EFR3B: variants seen among roughly 807,000 people sequenced by gnomAD.
EFR3B encodes protein EFR3 homolog B.
A neutral mutation model predicts 104.7 loss-of-function variants in EFR3B; 64 were observed. The observed-to-expected ratio is 0.61, with a 90% CI of 0.50 to 0.75. The LOEUF is 0.75. EFR3B is among the 30% of genes least tolerant of loss of function. The pLI, the probability that EFR3B is intolerant of heterozygous loss-of-function variation, is 0.00. For synonymous variants in EFR3B, 385 were observed against 417.9 expected (o/e 0.92, Z 0.96); for missense variants, 750 against 1,078.5 (o/e 0.70, Z 4.27).
intron 1 of EFR3B, among the ~76,000 whole-genome samples, chr2:25,048,006 T>C (rs1034711797): frequency 5.9e-5 from 9 of 152,104 alleles, no homozygotes; most frequent in African/African-American, 1.7e-4. Context: ...ATGTGTTTGT[T>C]TAGACGGTTG....
intron 1 of EFR3B, among the ~76,000 whole-genome samples, chr2:25,086,403 G>A (rs1668952589): frequency 6.6e-6 from 1 of 152,200 alleles, no homozygotes; most frequent in Non-Finnish European, 1.5e-5. Context: ...GGTTCTTGCT[G>A]CTCCACATCC....
chr2:25,150,156 G>C (rs935063085), intron 20 of EFR3B, among the ~76,000 whole-genome samples: 20 of 152,056 alleles, frequency 1.3e-4, no homozygotes, highest in African/African-American at 4.8e-4. Flanking sequence ...ACAAAAATTA[G>C]CCAGGCATGG....
chr2:25,124,000 G>A (rs1670092683), intron 5 of EFR3B, among the ~76,000 whole-genome samples: 1 of 152,216 alleles, frequency 6.6e-6, no homozygotes, highest in Non-Finnish European at 1.5e-5. Context: ...GCCTGTGGGT[G>A]AGAGAGGGTG....
At chr2:25,125,994 C>T (rs1210349501) in intron 5 of EFR3B, among the ~76,000 whole-genome samples, 1 of 152,146 alleles carries the variant, frequency 6.6e-6, no homozygotes, top group Non-Finnish European at 1.5e-5. Context: ...CTGCTCATCT[C>T]CAATAATCAC....
intron 1 of EFR3B, among the ~76,000 whole-genome samples, chr2:25,077,606 AAAGT>A (rs1454404721): frequency 1.3e-5 from 2 of 152,220 alleles, no homozygotes; most frequent in Non-Finnish European, 2.9e-5. Context: ...CTTCAGTAAG[AAAGT>A]AAGTGCTCAC....
chr2:25,133,486 T>G (rs948303182), intron 12 of EFR3B, 52 bp downstream of exon 12: 15 of 1,539,726 alleles, frequency 9.7e-6, no homozygotes, highest in Non-Finnish European at 1.3e-5. Flanking sequence ...AGACAGCTCC[T>G]TCCAAGGGAC....
rs578034048 is a variant in EFR3B at position 25,064,193 on chromosome 2, G to A, written c.7+21874G>A. Among the ~76,000 whole-genome samples the A allele has an allele frequency of 6.6e-5, 10 of 152,268 alleles. No homozygotes were observed. The East Asian group carries it at 7.7e-4, about 12-fold the overall frequency. ...ACGTTTCGGAGGCTCTGGGCATGGC[G>A]CCTGTCTTGTGTTCTGGCACTGCGT... On this transcript the variant is annotated intron_variant, in intron 1 of 22. Transcript: ENST00000403714.
At position 25,154,396 on chromosome 2, in the gene EFR3B, C is replaced by A. The variant is rs138415409; in HGVS notation, c.*56C>A. ...GGGGTCTGAGGAGGGGCTCACCTCA[C>A]GCCCACCCCGACCACATGGAGATCT... On this transcript the variant is annotated 3_prime_UTR_variant, in exon 23 of 23. Coordinates refer to ENST00000403714, the MANE Select transcript of EFR3B (RefSeq NM_014971.2). The surrounding 1 kb of genome is among the most constrained non-coding windows in gnomAD (Gnocchi z 4.1). 24 of 1,426,698 alleles carry A rather than the reference C, an allele frequency of 1.7e-5. No individual in the cohort carries two copies. Among genetic ancestry groups the A allele is most frequent in the Non-Finnish European group, 2.3e-5 (24 of 1,036,248 alleles). 88.4% of individuals were successfully genotyped at this position (1,426,698 alleles called of 1,614,324 possible).
chr2:25,108,742 T>A (rs1378302129), intron 4 of EFR3B, among the ~76,000 whole-genome samples: 1 of 152,222 alleles, frequency 6.6e-6, no homozygotes, highest in Non-Finnish European at 1.5e-5. Flanking sequence ...CTTATTCTTA[T>A]AATCCCAGCA....
At chr2:25,053,515 G>A (rs1281680155) in intron 1 of EFR3B, among the ~76,000 whole-genome samples, 13 of 152,200 alleles carry the variant, frequency 8.5e-5, no homozygotes, top group East Asian at 1.9e-4. Flanking sequence ...GATTGGTTCC[G>A]TGGTCAGTCA....
Position 25,130,743 on chromosome 2 carries a change from G to A in EFR3B, c.849+113G>A. 1 of 984,948 alleles carries A rather than the reference G, an allele frequency of 1.0e-6. No homozygotes were observed. The highest frequency in any genetic ancestry group is 1.6e-6 in the Non-Finnish European group (1 of 641,080). 61.0% of individuals were successfully genotyped at this position (984,948 alleles called of 1,614,324 possible). A position where few individuals can be genotyped will look rare whatever the true frequency, so the allele number is the denominator to read the frequency against. ...CCCTGTGACTCCTCCGAAGCCCCCA[G>A]TTGCCGAAACCAGTGCTGCTTAAGC... On this transcript the variant is annotated intron_variant, in intron 8 of 22. Coordinates refer to ENST00000403714, the MANE Select transcript of EFR3B (RefSeq NM_014971.2). The surrounding 1 kb of genome is among the most constrained non-coding windows in gnomAD (Gnocchi z 4.6).
At chr2:25,075,046 T>C (rs114778845) in intron 1 of EFR3B, among the ~76,000 whole-genome samples, 161 of 152,368 alleles carry the variant, frequency 1.1e-3, no homozygotes, top group African/African-American at 3.8e-3. Flanking sequence ...TGCGTAACTA[T>C]AGTTCAGTAT....
Position 25,137,357 on chromosome 2 carries a change from A to C in EFR3B, c.1577A>C (p.Tyr526Ser). ...VFMKKHSQQLYRHIYLSCKEE... is the reference protein window; with the variant it reads ...VFMKKHSQQLSRHIYLSCKEE... The stretch of plus-strand genomic sequence containing the variant: ...TGTCCCCAGCACTCCCAGCAGCTCT[A>C]CAGACACATCTACCTGAGCTGCAAG... The change falls in exon 15 of 23, where the codon TAC (tyrosine) becomes TCC (serine). Residue 526 changes from tyrosine (Y) to serine (S), a missense_variant. Tyr to Ser is a moderately radical substitution (Grantham distance 144, BLOSUM62 -2). Transcript: ENST00000403714. The surrounding 1 kb of genome is among the most constrained non-coding windows in gnomAD (Gnocchi z 4.7). 6.4e-7 allele frequency: 1 copy of C among 1,552,106 alleles called. No homozygotes were observed. The highest frequency in any genetic ancestry group is 1.7e-4 in the Middle Eastern group (1 of 5,996).
At chr2:25,065,056 A>G (rs1238939010) in intron 1 of EFR3B, among the ~76,000 whole-genome samples, 1 of 151,188 alleles carries the variant, frequency 6.6e-6, no homozygotes, top group Non-Finnish European at 1.5e-5. Context: ...AGCAGCCTGC[A>G]TCCCTCAATT....
Position 25,095,148 on chromosome 2 carries a change from G to A in EFR3B, c.212+2018G>A, listed in dbSNP as rs569086620. 5.1e-4 allele frequency among the ~76,000 whole-genome samples: 78 copies of A among 152,226 alleles called. No individual in the cohort carries two copies. The South Asian group carries it at 0.015, about 30-fold the overall frequency. On this transcript the variant is annotated intron_variant, in intron 3 of 22. Transcript: ENST00000403714. ...CACACACAGAGATGTTCGTTATCTT[G>A]TTATTTATAATAATGAAAAAGTAGA...
intron 1 of EFR3B, among the ~76,000 whole-genome samples, chr2:25,043,101 C>A (rs1274979866): frequency 6.6e-6 from 1 of 152,090 alleles, no homozygotes; most frequent in African/African-American, 2.4e-5. Flanking sequence ...CACATTGCAG[C>A]TCTGATGAAT....
In EFR3B at chr2:25,059,340, T is replaced by A. The variant is rs535622764; in HGVS notation, c.7+17021T>A. On this transcript the variant is annotated intron_variant, in intron 1 of 22. Transcript: ENST00000403714. ...CTCAGGTGATCCACCTGCCTGGGTT[T>A]CCCAAAGTGCTGGGATTACAGTCAT... is the stretch of plus-strand genomic sequence containing the variant. Among the ~76,000 whole-genome samples, 3 of 152,168 alleles carry A rather than the reference T, an allele frequency of 2.0e-5. No individual in the cohort carries two copies. The East Asian group carries it at 5.8e-4, about 29-fold the overall frequency.
intron 1 of EFR3B, among the ~76,000 whole-genome samples, chr2:25,074,242 A>C (rs1197266040): frequency 1.3e-5 from 2 of 152,120 alleles, no homozygotes; most frequent in Non-Finnish European, 2.9e-5. Context: ...CTGAACCAGA[A>C]TCCTCCACCA....
intron 1 of EFR3B, among the ~76,000 whole-genome samples, chr2:25,078,386 C>A (rs760120714): frequency 2.0e-5 from 3 of 152,154 alleles, no homozygotes; most frequent in Non-Finnish European, 4.4e-5. Context: ...ATGATCAAGT[C>A]CAGCCCTTGT....
Sources: allele counts gnomAD v4.1 joint callset (sites outside exome capture counted in the v4.1 genomes callset), GRCh38; gene constraint gnomAD v4.1.1; non-coding constraint Gnocchi (gnomAD v3.1); transcripts MANE v1.5; gene names NCBI Gene and HGNC (gene_info 2026-07-23, HGNC 2026-07-21).